The following CDHR3 variants were observed in gnomAD, a reference collection of about 807,000 sequenced individuals.
CDHR3 encodes cadherin related family member 3.
CDHR3 carries 79 observed loss-of-function variants against 86.6 expected under a neutral mutation model. The observed-to-expected ratio is 0.91, with a 90% CI of 0.76 to 1.10. The LOEUF (loss-of-function observed/expected upper bound fraction) is 1.10, where lower values mean the gene tolerates loss of function less well. Among genes scored for constraint, CDHR3 ranks in the 50% least tolerant of loss-of-function variants. The pLI is 0.00. For synonymous variants in CDHR3, 421 were observed against 402.4 expected (o/e 1.05, Z -0.55); for missense variants, 1,081 against 1,077.6 (o/e 1.00, Z -0.04).
At chr7:105,978,796 A>AT (rs1829206486) in intron 2 of CDHR3, among the ~76,000 whole-genome samples, 1 of 152,108 alleles carries the variant, frequency 6.6e-6, no homozygotes, top group Admixed American at 6.5e-5. Context: ...TTTTTGGACC[A>AT]TTTTTTGACT....
chr7:106,019,277 G>T (rs914049206), intron 12 of CDHR3, among the ~76,000 whole-genome samples: 1 of 152,054 alleles, frequency 6.6e-6, no homozygotes, highest in Non-Finnish European at 1.5e-5. Flanking sequence ...TGAATAGTCC[G>T]CTTCCTCCGA....
intron 8 of CDHR3, among the ~76,000 whole-genome samples, chr7:106,005,125 C>G (rs1833771819): frequency 6.6e-6 from 1 of 152,120 alleles, no homozygotes; most frequent in South Asian, 2.1e-4. Context: ...GAAAACATAC[C>G]ACCAGCCAGA....
At chr7:106,028,337 G>A (rs1449478731) in intron 16 of CDHR3, 1 of 605,572 alleles carries the variant, frequency 1.7e-6, no homozygotes, top group African/African-American at 1.9e-5. Flanking sequence ...TTGTTCGTAT[G>A]TTATTGTGTG....
chr7:105,967,325 T>A (rs1827131524), intron 1 of CDHR3, among the ~76,000 whole-genome samples: 1 of 152,224 alleles, frequency 6.6e-6, no homozygotes, highest in South Asian at 2.1e-4. Flanking sequence ...ATGGTGTATA[T>A]GTGCCACATT....
intron 2 of CDHR3, among the ~76,000 whole-genome samples, chr7:105,980,606 AATTT>A (rs1410641584): frequency 6.6e-5 from 2 of 30,118 alleles, no homozygotes; most frequent in African/African-American, 1.1e-4. Context: ...TTTTTTTTTT[AATTT>A]TTTTTTTTTT....
At chr7:106,000,477 A>G (rs1427667738) in intron 6 of CDHR3, among the ~76,000 whole-genome samples, 1 of 152,228 alleles carries the variant, frequency 6.6e-6, no homozygotes, top group African/African-American at 2.4e-5. Flanking sequence ...GAATGCCGTC[A>G]CTTAGATCTG....
chr7:106,030,890 G>C lies in CDHR3; in HGVS notation c.2353+50G>C. ...AAGAATGCTTTTTATATTCCAGACT[G>C]GTAGAAGCATGGAGGATCTTATCCA... On this transcript the variant is annotated intron_variant, in intron 18 of 18. Coordinates refer to ENST00000317716, the MANE Select transcript of CDHR3 (RefSeq NM_152750.5). The surrounding 1 kb of genome is among the most constrained non-coding windows in gnomAD (Gnocchi z 4.8). 1.3e-6 allele frequency: 2 copies of C among 1,515,310 alleles called. No homozygotes were observed. Among genetic ancestry groups the C allele is most frequent in the Non-Finnish European group, 9.1e-7 (1 of 1,102,284 alleles). The allele number at this position is 1,515,310 out of a possible 1,614,324, so 93.9% of individuals were successfully genotyped here. A position where few individuals can be genotyped will look rare whatever the true frequency, so the allele number is the denominator to read the frequency against.
chr7:106,026,723 T>C, intron 16 of CDHR3, 28 bp downstream of exon 16: 2 of 1,613,162 alleles, frequency 1.2e-6, no homozygotes, highest in Non-Finnish European at 1.7e-6. Flanking sequence ...TTCCCTTGTC[T>C]GTTGTTTTTT....
chr7:105,986,707 C>T (rs182004970), intron 4 of CDHR3, among the ~76,000 whole-genome samples: 2 of 152,076 alleles, frequency 1.3e-5, no homozygotes, highest in African/African-American at 4.8e-5. Context: ...CTTAGCAAGG[C>T]CCTGTTTGTT....
chr7:106,014,672 C>T (rs1458600842), intron 9 of CDHR3, among the ~76,000 whole-genome samples: 1 of 152,148 alleles, frequency 6.6e-6, no homozygotes, highest in Non-Finnish European at 1.5e-5. Context: ...AATATGGCTT[C>T]TCTCTCTCAA....
In CDHR3 at chr7:106,004,635, A is replaced by T. The variant is rs1177045995; in HGVS notation, c.1000A>T (p.Ile334Phe). Residue 334 changes from isoleucine to phenylalanine, a missense_variant, in exon 8 of 19, where the codon ATT (isoleucine) becomes TTT (phenylalanine). Physicochemically the swap from Ile to Phe is conservative, Grantham distance 21. Coordinates refer to ENST00000317716, the MANE Select transcript of CDHR3 (RefSeq NM_152750.5). ...GGAGAATCGCATCCAGATAACCTTCATTGTGGAAGACGTCAACGACAATCC... is the reference window on the plus strand; with the variant it reads ...GGAGAATCGCATCCAGATAACCTTCTTTGTGGAAGACGTCAACGACAATCC... ...GQENRIQITFIVEDVNDNPAT... is the reference protein window; with the variant it reads ...GQENRIQITFFVEDVNDNPAT... 1 of 1,614,056 alleles carries T rather than the reference A, an allele frequency of 6.2e-7. No homozygotes were observed. The highest frequency in any genetic ancestry group is 8.5e-7 in the Non-Finnish European group (1 of 1,179,902).
At chr7:106,022,972 T>A (rs1836799253) in intron 14 of CDHR3, among the ~76,000 whole-genome samples, 1 of 152,238 alleles carries the variant, frequency 6.6e-6, no homozygotes, top group African/African-American at 2.4e-5. Flanking sequence ...ATCGATTTAA[T>A]GCCTATAGTG....
At chr7:105,984,395 G>A (rs563263079) in intron 4 of CDHR3, 106 bp downstream of exon 4, 33 of 682,590 alleles carry the variant, frequency 4.8e-5, no homozygotes, top group African/African-American at 4.1e-4. Flanking sequence ...TGGCAGTCAG[G>A]GGAATGTGCG....
chr7:106,009,296 G>A (rs756753605), intron 8 of CDHR3, among the ~76,000 whole-genome samples: 4 of 152,190 alleles, frequency 2.6e-5, no homozygotes, highest in Non-Finnish European at 4.4e-5. Flanking sequence ...TTCCAGGGGC[G>A]GAGGTCTTCA....
At chr7:105,971,005 G>A (rs555622601) in intron 1 of CDHR3, among the ~76,000 whole-genome samples, 4 of 152,228 alleles carry the variant, frequency 2.6e-5, no homozygotes, top group African/African-American at 9.6e-5. Flanking sequence ...GCCAGGCATG[G>A]TGGCAGGTGC....
Position 106,032,483 on chromosome 7 carries a change from G to C in CDHR3, c.2444G>C (p.Ser815Thr). The change falls in exon 19 of 19, where the codon AGC becomes ACC. Residue 815 changes from serine to threonine, a missense_variant. Ser to Thr is a moderately conservative substitution (Grantham distance 58, BLOSUM62 1). Coordinates refer to ENST00000317716, the MANE Select transcript of CDHR3 (RefSeq NM_152750.5). ...LTQMPKWKES[S>T]HQGAAPRRVT... ...CAAATGCCAAAATGGAAAGAGTCCA[G>C]CCACCAGGGAGCTGCCCCACGCAGA... 2 of 1,614,002 alleles carry C rather than the reference G, an allele frequency of 1.2e-6. No homozygotes were observed. Among genetic ancestry groups the C allele is most frequent in the South Asian group, 2.2e-5 (2 of 91,062 alleles).
At position 106,022,411 on chromosome 7, in the gene CDHR3, T is replaced by C; in HGVS notation, c.2039T>C (p.Ile680Thr). ...ACAGTGACACTGAGTATTAAAGTCA[T>C]TCCCCACCCAACCACTATCATCACC... ...TGTVTLSIKVIPHPTTIITTT... is the reference protein window; with the variant it reads ...TGTVTLSIKVTPHPTTIITTT... The change falls in exon 14 of 19, where the codon ATT becomes ACT. Residue 680 changes from isoleucine (I) to threonine (T), a missense_variant. By Grantham distance (89) the Ile-to-Thr change is moderately conservative. Transcript: ENST00000317716. The C allele has an allele frequency of 6.2e-7, 1 of 1,614,034 alleles. No homozygotes were observed. Among genetic ancestry groups the C allele is most frequent in the Non-Finnish European group, 8.5e-7 (1 of 1,179,890 alleles).
intron 12 of CDHR3, among the ~76,000 whole-genome samples, chr7:106,019,285 C>T (rs1263869702): frequency 3.3e-5 from 5 of 152,100 alleles, no homozygotes; most frequent in South Asian, 4.1e-4. Context: ...CCGCTTCCTC[C>T]GATAACTTGC....
chr7:105,969,612 A>G (rs1311079820), intron 1 of CDHR3, among the ~76,000 whole-genome samples: 1 of 152,184 alleles, frequency 6.6e-6, no homozygotes, highest in Admixed American at 6.5e-5. Flanking sequence ...ATCCCAGTAA[A>G]GACTCCATAA....
Sources: allele counts gnomAD v4.1 joint callset (sites outside exome capture counted in the v4.1 genomes callset), GRCh38; gene constraint gnomAD v4.1.1; non-coding constraint Gnocchi (gnomAD v3.1); transcripts MANE v1.5; gene names NCBI Gene and HGNC (gene_info 2026-07-23, HGNC 2026-07-21).